FOXN3: variants seen among roughly 807,000 people sequenced by gnomAD.
The protein encoded by FOXN3 is forkhead box protein N3.
Under a neutral mutation model 38.4 loss-of-function variants are expected in FOXN3, and 7 were observed. That is an observed-to-expected ratio of 0.18 (90% CI 0.10 to 0.34). FOXN3 has a LOEUF of 0.34. FOXN3 is among the 10% of genes least tolerant of loss of function. FOXN3 has a pLI of 1.00. For missense variants in FOXN3, 456 were observed against 613.4 expected (o/e 0.74, Z 2.71); for synonymous variants, 230 against 242.2 (o/e 0.95, Z 0.47).
At chr14:89,554,477 G>T (rs537986263) in intron 1 of FOXN3, among the ~76,000 whole-genome samples, 1 of 152,060 alleles carries the variant, frequency 6.6e-6, no homozygotes, top group East Asian at 1.9e-4. Context: ...GGAGAGTTGG[G>T]GCTTTGGTTA....
At chr14:89,559,330 G>C (rs1265851627) in intron 1 of FOXN3, among the ~76,000 whole-genome samples, 1 of 152,080 alleles carries the variant, frequency 6.6e-6, no homozygotes, top group Non-Finnish European at 1.5e-5. Flanking sequence ...AGTGAGCTTT[G>C]ATCACCACTG....
chr14:89,308,499 T>C (rs1887442133), intron 3 of FOXN3, among the ~76,000 whole-genome samples: 1 of 152,166 alleles, frequency 6.6e-6, no homozygotes. Flanking sequence ...TGGGGAAAGG[T>C]GTCATTCTGT....
intron 1 of FOXN3, among the ~76,000 whole-genome samples, chr14:89,507,579 C>G (rs1007213093): frequency 6.6e-6 from 1 of 152,132 alleles, no homozygotes; most frequent in Non-Finnish European, 1.5e-5. Context: ...GAGATCAACC[C>G]TAACTTTATT....
At position 89,473,381 on chromosome 14, in the gene FOXN3, G is replaced by A. The variant is rs151091184; in HGVS notation, c.-14-60891C>T. Among the ~76,000 whole-genome samples the A allele has an allele frequency of 8.5e-4, 124 of 145,052 alleles. No individual in the cohort carries two copies. In the East Asian group the frequency reaches 0.021, roughly 25 times the overall value. ...TGATATGGAAGATTTACTCCACAACGCTTTTTTTTTTTTTTCCTTTTGCTC... is the reference window on the plus strand; with the variant it reads ...TGATATGGAAGATTTACTCCACAACACTTTTTTTTTTTTTTCCTTTTGCTC... On this transcript the variant is annotated intron_variant, in intron 1 of 6. Coordinates refer to the FOXN3 transcript ENST00000345097.
intron 1 of FOXN3, among the ~76,000 whole-genome samples, chr14:89,487,288 A>G (rs1440008964): frequency 6.6e-6 from 1 of 152,258 alleles, no homozygotes; most frequent in Non-Finnish European, 1.5e-5. Context: ...CCGGGGCCTC[A>G]AGGATAACAA....
intron 1 of FOXN3, among the ~76,000 whole-genome samples, chr14:89,508,878 T>A (rs990557744): frequency 2.6e-5 from 4 of 152,178 alleles, no homozygotes; most frequent in Admixed American, 6.5e-5. Context: ...TGTGCCCTTA[T>A]GATTTTAGGC....
intron 3 of FOXN3, among the ~76,000 whole-genome samples, chr14:89,332,542 C>T (rs1888282634): frequency 6.6e-6 from 1 of 152,056 alleles, no homozygotes; most frequent in South Asian, 2.1e-4. Context: ...ATTTTCCAGA[C>T]AAAAATCCAC....
At position 89,548,192 on chromosome 14, in the gene FOXN3, A is replaced by G. The variant is rs1413589269; in HGVS notation, c.-15+70836T>C. Among the ~76,000 whole-genome samples, 1 of 152,170 alleles carries G rather than the reference A, an allele frequency of 6.6e-6. No homozygotes were observed. Among genetic ancestry groups the G allele is most frequent in the African/African-American group, 2.4e-5 (1 of 41,432 alleles). ...TCACTTAGAGTAAAAATTACCTTTCACTTGCTTACTCCTGCCTGCGCTTTC... is the reference window on the plus strand; with the variant it reads ...TCACTTAGAGTAAAAATTACCTTTCGCTTGCTTACTCCTGCCTGCGCTTTC... On this transcript the variant is annotated intron_variant, in intron 1 of 6. Transcript: ENST00000345097. The surrounding 1 kb of genome is among the most constrained non-coding windows in gnomAD (Gnocchi z 4.8).
chr14:89,387,397 T>C (rs185100729), intron 2 of FOXN3, among the ~76,000 whole-genome samples: 371 of 152,342 alleles, frequency 2.4e-3, no homozygotes, highest in Admixed American at 6.0e-3. Flanking sequence ...TGTATTATCA[T>C]TATTTAATCT....
At position 89,157,080 on chromosome 14, in the gene FOXN3, A is replaced by T. The variant is rs550621415; in HGVS notation, c.*5334T>A. ...TTTTGCAAATGAAATACAGTGGAAA[A>T]ACACTGTTGTATATATTCCAAATAA... On this transcript the variant is annotated 3_prime_UTR_variant, in exon 6 of 6. Transcript: ENST00000557258. 1.3e-5 allele frequency: 2 copies of T among 152,662 alleles called. No homozygotes were observed. The highest frequency in any genetic ancestry group is 2.9e-5 in the Non-Finnish European group (2 of 68,044). The allele number at this position is 152,662 out of a possible 1,614,324, so 9.5% of individuals were successfully genotyped here. A position where few individuals can be genotyped will look rare whatever the true frequency, so the allele number is the denominator to read the frequency against.
At chr14:89,292,796 C>T (rs963753734) in intron 3 of FOXN3, among the ~76,000 whole-genome samples, 4 of 152,144 alleles carry the variant, frequency 2.6e-5, no homozygotes, top group Non-Finnish European at 5.9e-5. Context: ...CAGACTAAGA[C>T]GAGCGGTCAC....
chr14:89,509,232 T>C (rs1338705352), intron 1 of FOXN3, among the ~76,000 whole-genome samples: 2 of 152,214 alleles, frequency 1.3e-5, no homozygotes, highest in Non-Finnish European at 2.9e-5. Flanking sequence ...GTCAAAGTTA[T>C]AGCACCCATG....
intron 3 of FOXN3, among the ~76,000 whole-genome samples, chr14:89,282,374 G>A (rs375112855): frequency 9.8e-5 from 15 of 152,292 alleles, no homozygotes; most frequent in South Asian, 8.3e-4. Context: ...CAGCCAGGTA[G>A]TTGTGACCAC....
intron 3 of FOXN3, among the ~76,000 whole-genome samples, chr14:89,309,543 G>C (rs1346835555): frequency 7.1e-6 from 1 of 140,540 alleles, no homozygotes; most frequent in Non-Finnish European, 1.6e-5. Context: ...TCGTTAACTG[G>C]GTATAACTAA....
At position 89,333,749 on chromosome 14, in the gene FOXN3, T is replaced by TTAAAAAAAA. The variant is rs1555418764; in HGVS notation, c.680+16922_680+16923insTTTTTTTTA. 8.7e-5 allele frequency among the ~76,000 whole-genome samples: 5 copies of TTAAAAAAAA among 57,266 alleles called. 2 individuals are homozygous for TTAAAAAAAA. The allele number at this position is 57,266 out of a possible 152,430, so 37.6% of individuals were successfully genotyped here. ...GCCTGGGTGAACACAGAGAGACTAT[T>TTAAAAAAAA]AAAAAAAAAAAAAAAAAAAAAAAAA... is the stretch of plus-strand genomic sequence containing the variant. On this transcript the variant is annotated intron_variant, in intron 3 of 5. Transcript: ENST00000557258.
At chr14:89,603,407 C>T (rs910340555) in intron 1 of FOXN3, among the ~76,000 whole-genome samples, 1 of 152,178 alleles carries the variant, frequency 6.6e-6, no homozygotes, top group Non-Finnish European at 1.5e-5. Flanking sequence ...CTAGCATTAC[C>T]TCAACTAATA....
intron 1 of FOXN3, among the ~76,000 whole-genome samples, chr14:89,428,483 CT>C (rs77772602): frequency 0.053 from 8,133 of 152,234 alleles, 288 homozygotes; most frequent in East Asian, 0.085. Context: ...ATTGCTAGCT[CT>C]TTCTGTGGGT....
chr14:89,484,193 T>C lies in FOXN3; in HGVS notation c.-14-71703A>G, dbSNP rs1261109629. The stretch of plus-strand genomic sequence containing the variant: ...CCCCTTCTGCTCCTTCCTATTCTAA[T>C]CCTACTCATCCTTTCAACCTATTTT... On this transcript the variant is annotated intron_variant, in intron 1 of 6. Transcript: ENST00000345097. The surrounding 1 kb of genome is among the most constrained non-coding windows in gnomAD (Gnocchi z 4.0). 3.9e-5 allele frequency among the ~76,000 whole-genome samples: 6 copies of C among 152,204 alleles called. No individual in the cohort carries two copies. Among genetic ancestry groups the C allele is most frequent in the Non-Finnish European group, 8.8e-5 (6 of 68,014 alleles).
intron 1 of FOXN3, among the ~76,000 whole-genome samples, chr14:89,533,661 CAAAAAAAAAAAAAAA>C (rs34194637): frequency 3.6e-4 from 24 of 65,918 alleles, no homozygotes; most frequent in South Asian, 8.7e-4. Flanking sequence ...GACTCTGTCT[CAAAAAAAAAAAAAAA>C]AAAAAAAAAA....
Sources: gnomAD v4.1 joint callset for allele counts (sites outside exome capture counted in the v4.1 genomes callset) on GRCh38, gnomAD v4.1.1 for gene constraint, Gnocchi (gnomAD v3.1) non-coding constraint, MANE v1.5 for transcripts, NCBI Gene and HGNC (gene_info 2026-07-23, HGNC 2026-07-21) for gene names.